The following CFAP46 variants were observed in gnomAD, a reference collection of about 807,000 sequenced individuals.
CFAP46 encodes cilia and flagella associated protein 46.
CFAP46 carries 245 observed loss-of-function variants against 325.7 expected under a neutral mutation model. That is an observed-to-expected ratio of 0.75 (90% CI 0.68 to 0.84). The LOEUF (loss-of-function observed/expected upper bound fraction) is 0.84. Among genes scored for constraint, CFAP46 ranks in the 40% least tolerant of loss-of-function variants. The pLI is 0.00. For missense variants in CFAP46, 3,346 were observed against 3,543.0 expected, an observed-to-expected ratio of 0.94 and a Z score of 1.41; for synonymous variants, 1,523 against 1,495.9, an observed-to-expected ratio of 1.02 and a Z score of -0.42.
intron 50 of CFAP46, among the ~76,000 whole-genome samples, chr10:132,824,413 T>C (rs1346199387): frequency 2.1e-5 from 3 of 141,756 alleles, no homozygotes; most frequent in South Asian, 4.8e-4. Context: ...GTGTTTTGTG[T>C]GCTGTGTGAG....
intron 35 of CFAP46, among the ~76,000 whole-genome samples, chr10:132,865,476 G>C (rs1426231827): frequency 6.6e-6 from 1 of 152,208 alleles, no homozygotes; most frequent in Non-Finnish European, 1.5e-5. Flanking sequence ...GCAGGAACCA[G>C]CTAAGACCAA....
chr10:132,900,729 T>C (rs1290784246), intron 22 of CFAP46, among the ~76,000 whole-genome samples: 1 of 152,232 alleles, frequency 6.6e-6, no homozygotes, highest in Non-Finnish European at 1.5e-5. Context: ...GGTACTGCCG[T>C]CCTAAACATT....
intron 22 of CFAP46, among the ~76,000 whole-genome samples, chr10:132,905,317 C>T (rs1311312734): frequency 1.3e-5 from 2 of 152,192 alleles, no homozygotes; most frequent in Non-Finnish European, 2.9e-5. Context: ...CTCTGTCTCC[C>T]CGCCCTCCCC....
rs192923017 is a variant in CFAP46, at chr10:132,932,378, G to A, written c.866+2374C>T. ...GAGCCTGGGCTTTCCTCCTCCCCAC[G>A]CAGAGGCTGGGCCTTCCTCCTCCAC... On this transcript the variant is annotated intron_variant, in intron 8 of 57. Transcript: ENST00000368586. 5.1e-3 allele frequency among the ~76,000 whole-genome samples: 475 copies of A among 92,702 alleles called. 5 individuals are homozygous for A. The highest frequency in any genetic ancestry group is 0.019 in the African/African-American group (404 of 21,174). The allele number at this position is 92,702 out of a possible 152,430, so 60.8% of individuals were successfully genotyped here.
At position 132,847,256 on chromosome 10, in the gene CFAP46, C is replaced by T. The variant is rs1848454632; in HGVS notation, c.6018G>A (p.Lys2006=). 1 of 1,613,480 alleles carries T rather than the reference C, an allele frequency of 6.2e-7. No homozygotes were observed. Among genetic ancestry groups the T allele is most frequent in the Non-Finnish European group, 8.5e-7 (1 of 1,179,962 alleles). Residue 2006 remains lysine (K), a synonymous_variant, in exon 42 of 58, where the codon AAG becomes AAA. Transcript: ENST00000368586. The surrounding 1 kb of genome is among the most constrained non-coding windows in gnomAD (Gnocchi z 5.2). Reference sequence around the variant, plus strand: ...TGGAGGCCGGCGGGTCCCTGCTGGACTTTGTGGCACCCTCTTCCTCTACCT... The same window carrying T: ...TGGAGGCCGGCGGGTCCCTGCTGGATTTTGTGGCACCCTCTTCCTCTACCT... The part of the protein sequence containing the change: ...ELEVEEEGAT[K]SSRDPPASRA...
At chr10:132,888,847 C>A (rs1232206147) in intron 25 of CFAP46, among the ~76,000 whole-genome samples, 1 of 132,262 alleles carries the variant, frequency 7.6e-6, no homozygotes, top group Non-Finnish European at 1.6e-5. Context: ...TCACCCCTGC[C>A]GCCTGCACCT....
At chr10:132,853,777 A>G (rs1263594964) in intron 39 of CFAP46, among the ~76,000 whole-genome samples, 1 of 152,158 alleles carries the variant, frequency 6.6e-6, no homozygotes, top group Non-Finnish European at 1.5e-5. Context: ...CATTTCGTCT[A>G]AGTTGGCAGA....
chr10:132,850,758 A>C (rs1848525427), intron 40 of CFAP46, among the ~76,000 whole-genome samples: 1 of 152,184 alleles, frequency 6.6e-6, no homozygotes, highest in Non-Finnish European at 1.5e-5. Context: ...CCCTCAAAAC[A>C]TTCTACATAT....
intron 22 of CFAP46, among the ~76,000 whole-genome samples, chr10:132,907,678 G>A (rs1388089430): frequency 1.3e-5 from 2 of 152,178 alleles, no homozygotes; most frequent in Non-Finnish European, 2.9e-5. Flanking sequence ...CGGAGTGTCC[G>A]TGTCCCCTCA....
intron 21 of CFAP46, 83 bp from the exon 22 acceptor site, chr10:132,908,717 C>T (rs1396570488): frequency 8.4e-6 from 12 of 1,424,510 alleles, no homozygotes; most frequent in African/African-American, 1.4e-5. Flanking sequence ...GACCACGCAG[C>T]GCATGTGATC....
At chr10:132,922,940 C>T (rs1849749969) in intron 11 of CFAP46, among the ~76,000 whole-genome samples, 2 of 152,246 alleles carry the variant, frequency 1.3e-5, no homozygotes, top group Non-Finnish European at 2.9e-5. Context: ...CGGCAGCTCA[C>T]GACGGCAGCC....
chr10:132,928,117 C>G (rs528497481), intron 9 of CFAP46, among the ~76,000 whole-genome samples: 1 of 152,134 alleles, frequency 6.6e-6, no homozygotes, highest in East Asian at 1.9e-4. Context: ...GGGGCCCACC[C>G]GAGAGCCTCA....
Position 132,834,732 on chromosome 10 carries a change from T to A in CFAP46, c.6788A>T (p.Gln2263Leu). The A allele has an allele frequency of 6.2e-7, 1 of 1,613,126 alleles. No individual in the cohort carries two copies. Among genetic ancestry groups the A allele is most frequent in the Non-Finnish European group, 8.5e-7 (1 of 1,179,826 alleles). The change falls in exon 48 of 58, where the codon CAG becomes CTG. Residue 2263 changes from glutamine to leucine, a missense_variant. Coordinates refer to ENST00000368586, the MANE Select transcript of CFAP46 (RefSeq NM_001200049.3). ...GGGCCCCAGGACGCTACTGAGCCTCTGCACAGGGCGCTCCTTCTCTTCCAC... is the reference window on the plus strand; with the variant it reads ...GGGCCCCAGGACGCTACTGAGCCTCAGCACAGGGCGCTCCTTCTCTTCCAC... ...LQVEEKERPV[Q>L]RLSSVLGPLE...
intron 50 of CFAP46, among the ~76,000 whole-genome samples, chr10:132,821,286 A>G (rs62647716): frequency 2.5e-4 from 23 of 92,392 alleles, no homozygotes; most frequent in African/African-American, 9.9e-4. Flanking sequence ...GTGAGTGCTG[A>G]TGTGTGCTGT....
At position 132,884,478 on chromosome 10, in the gene CFAP46, G is replaced by T. The variant is rs144089628; in HGVS notation, c.3627+625C>A. The stretch of plus-strand genomic sequence containing the variant: ...TTTAAGATCTTCACTAATGTTGAAA[G>T]GTTCATGCCTTTCACACCAGGGGCC... On this transcript the variant is annotated intron_variant, in intron 27 of 57. Transcript: ENST00000368586. The surrounding 1 kb of genome is among the most constrained non-coding windows in gnomAD (Gnocchi z 5.4). 6.6e-6 allele frequency among the ~76,000 whole-genome samples: 1 copy of T among 152,190 alleles called. No individual in the cohort carries two copies. The highest frequency in any genetic ancestry group is 1.5e-5 in the Non-Finnish European group (1 of 68,036).
At chr10:132,899,225 C>T (rs1020909693) in intron 23 of CFAP46, 104 bp from the exon 24 acceptor site, 1 of 1,266,140 alleles carries the variant, frequency 7.9e-7, no homozygotes, top group Non-Finnish European at 1.1e-6. Context: ...CAGCCACACG[C>T]TCGCTCCCTC....
chr10:132,917,419 C>T (rs954453791), intron 16 of CFAP46, among the ~76,000 whole-genome samples: 3 of 152,256 alleles, frequency 2.0e-5, no homozygotes, highest in Non-Finnish European at 4.4e-5. Context: ...GATCCCACTC[C>T]GCCATTTCTA....
chr10:132,925,833 C>T (rs900365891), intron 10 of CFAP46, among the ~76,000 whole-genome samples: 1 of 152,162 alleles, frequency 6.6e-6, no homozygotes, highest in East Asian at 1.9e-4. Context: ...CGTGCTCATC[C>T]CCTGCCACGG....
intron 17 of CFAP46, among the ~76,000 whole-genome samples, chr10:132,914,939 A>G (rs1849613553): frequency 6.6e-6 from 1 of 152,148 alleles, no homozygotes; most frequent in African/African-American, 2.4e-5. Flanking sequence ...CCCCACCTGA[A>G]TCACATGCAG....
Sources: gnomAD v4.1 joint callset for allele counts (sites outside exome capture counted in the v4.1 genomes callset) on GRCh38, gnomAD v4.1.1 for gene constraint, Gnocchi (gnomAD v3.1) non-coding constraint, MANE v1.5 for transcripts, NCBI Gene and HGNC (gene_info 2026-07-23, HGNC 2026-07-21) for gene names.